The following ALK variants were observed in gnomAD, a reference collection of about 807,000 sequenced individuals.
ALK encodes the protein ALK receptor tyrosine kinase, also known as ALK tyrosine kinase receptor.
ALK carries 74 observed loss-of-function variants against 163.1 expected under a neutral mutation model. The ratio of observed to expected loss-of-function variants is 0.45; its 90% confidence interval spans 0.38 to 0.55. The LOEUF is 0.55. Ranked by LOEUF, ALK falls within the 20% of genes least tolerant of loss-of-function variation. The probability of loss-of-function intolerance (pLI) is 0.00; values close to 1 mark genes in which losing one functional copy is unlikely to be tolerated. For synonymous variants in ALK, 960 were observed against 843.2 expected (o/e 1.14, Z -2.40); for missense variants, 2,063 against 2,105.3 (o/e 0.98, Z 0.39).
At chr2:29,873,987 G>A (rs1445159231) in intron 1 of ALK, among the ~76,000 whole-genome samples, 1 of 152,008 alleles carries the variant, frequency 6.6e-6, no homozygotes, top group African/African-American at 2.4e-5. Flanking sequence ...ATTTAGCAGT[G>A]GAAGAAATAC....
intron 4 of ALK, among the ~76,000 whole-genome samples, chr2:29,393,602 C>T (rs1278591054): frequency 2.0e-5 from 3 of 152,210 alleles, no homozygotes; most frequent in African/African-American, 4.8e-5. Flanking sequence ...TTCATCAAAC[C>T]AAACAAAGAC....
intron 1 of ALK, 115 bp from the exon 2 acceptor site, chr2:29,717,812 G>C (rs904247895): frequency 1.4e-6 from 2 of 1,405,298 alleles, no homozygotes; most frequent in Non-Finnish European, 1.0e-6. Context: ...CATCCATCGG[G>C]AAGATGAGGG....
rs1666199355 is a variant in ALK, at chr2:29,296,900, T to A, written c.1805A>T (p.Asp602Val). 1 of 1,614,132 alleles carries A rather than the reference T, an allele frequency of 6.2e-7. No individual in the cohort carries two copies. ...LWQWMVLPLL[D>V]VSDRFWLQMV... ...GCATAGAGCCTACCTGTCAGACACATCGAGGAGAGGCAACACCATCCACTG... is the reference window on the plus strand; with the variant it reads ...GCATAGAGCCTACCTGTCAGACACAACGAGGAGAGGCAACACCATCCACTG... Residue 602 changes from aspartate to valine, a missense_variant, in exon 9 of 29, where the codon GAT becomes GTT. Transcript: ENST00000389048.
chr2:29,535,256 C>A (rs774565242), intron 3 of ALK, among the ~76,000 whole-genome samples: 15 of 152,276 alleles, frequency 9.9e-5, no homozygotes, highest in Middle Eastern at 3.4e-3. Context: ...GCTCATACAG[C>A]GCCACAACCA....
At chr2:29,672,675 C>A (rs1185660922) in intron 3 of ALK, among the ~76,000 whole-genome samples, 2 of 152,106 alleles carry the variant, frequency 1.3e-5, no homozygotes, top group Admixed American at 6.6e-5. Flanking sequence ...GATTTATAGT[C>A]CTTTGGGTAT....
intron 5 of ALK, among the ~76,000 whole-genome samples, chr2:29,358,256 T>C (rs1668299507): frequency 6.6e-6 from 1 of 152,248 alleles, no homozygotes; most frequent in African/African-American, 2.4e-5. Flanking sequence ...GGCAATGCTG[T>C]CCTCTTAAGA....
At chr2:29,824,485 C>A (rs1044500454) in intron 1 of ALK, among the ~76,000 whole-genome samples, 5 of 152,230 alleles carry the variant, frequency 3.3e-5, no homozygotes, top group Non-Finnish European at 5.9e-5. Context: ...GGGAGGGGGC[C>A]TGTACCCTGC....
chr2:29,512,560 T>C (rs1436613629), intron 4 of ALK, among the ~76,000 whole-genome samples: 1 of 146,686 alleles, frequency 6.8e-6, no homozygotes, highest in African/African-American at 2.5e-5. Context: ...GGGCAAAAAC[T>C]GGAAGCATTC....
intron 1 of ALK, among the ~76,000 whole-genome samples, chr2:29,860,143 C>G (rs1666243327): frequency 6.6e-6 from 1 of 152,122 alleles, no homozygotes; most frequent in African/African-American, 2.4e-5. Context: ...AAAATGTTCC[C>G]CTTGGAAGCT....
At chr2:29,691,083 G>T (rs569828267) in intron 3 of ALK, among the ~76,000 whole-genome samples, 1 of 152,310 alleles carries the variant, frequency 6.6e-6, no homozygotes, top group South Asian at 2.1e-4. Flanking sequence ...TGAAGGTCAA[G>T]GGAGTTTATT....
intron 3 of ALK, among the ~76,000 whole-genome samples, chr2:29,608,005 C>T (rs1355143315): frequency 2.0e-5 from 3 of 149,388 alleles, no homozygotes; most frequent in Non-Finnish European, 4.4e-5. Flanking sequence ...GGTATGTGTG[C>T]AAGTTTGTTA....
At chr2:29,332,179 T>A (rs941434600) in intron 5 of ALK, among the ~76,000 whole-genome samples, 5 of 150,004 alleles carry the variant, frequency 3.3e-5, no homozygotes, top group Non-Finnish European at 7.4e-5. Flanking sequence ...CCAGCTACTT[T>A]GGAGACTGAG....
At chr2:29,408,842 G>A (rs73923616) in intron 4 of ALK, among the ~76,000 whole-genome samples, 2,842 of 152,272 alleles carry the variant, frequency 0.019, 72 homozygotes, top group African/African-American at 0.064. Flanking sequence ...CAGCCTCAAG[G>A]TCACCAGGCT....
intron 3 of ALK, among the ~76,000 whole-genome samples, chr2:29,638,706 G>A (rs1676616622): frequency 6.6e-6 from 1 of 152,020 alleles, no homozygotes; most frequent in South Asian, 2.1e-4. Flanking sequence ...CAGTTTCTCT[G>A]TTCTAACACC....
chr2:29,605,969 A>G (rs1347066255), intron 3 of ALK, among the ~76,000 whole-genome samples: 1 of 54,230 alleles, frequency 1.8e-5, no homozygotes, highest in Non-Finnish European at 3.5e-5. Context: ...TTGGGTCCCA[A>G]AGAAAAAAAT....
chr2:29,702,776 C>T (rs1678783470), intron 2 of ALK, among the ~76,000 whole-genome samples: 1 of 152,214 alleles, frequency 6.6e-6, no homozygotes, highest in South Asian at 2.1e-4. Context: ...GGGGAACTGT[C>T]CTTTATAAAA....
chr2:29,693,882 C>A (rs1005138547), intron 3 of ALK, among the ~76,000 whole-genome samples: 1 of 152,176 alleles, frequency 6.6e-6, no homozygotes, highest in Admixed American at 6.5e-5. Context: ...GTCACTCCCC[C>A]GCTCTGAGCA....
chr2:29,483,765 GC>G (rs1671719316), intron 4 of ALK, among the ~76,000 whole-genome samples: 1 of 152,010 alleles, frequency 6.6e-6, no homozygotes, highest in African/African-American at 2.4e-5. Flanking sequence ...TAGATCTTAT[GC>G]TTATTGCTTT....
intron 3 of ALK, among the ~76,000 whole-genome samples, chr2:29,569,948 C>T (rs1674308765): frequency 6.6e-6 from 1 of 152,136 alleles, no homozygotes; most frequent in Admixed American, 6.5e-5. Context: ...GCTCAGAGCT[C>T]CAGAGGAAAG....
Sources: gnomAD v4.1 joint callset for allele counts (sites outside exome capture counted in the v4.1 genomes callset) on GRCh38, gnomAD v4.1.1 for gene constraint, MANE v1.5 for transcripts, NCBI Gene and HGNC (gene_info 2026-07-23, HGNC 2026-07-21) for gene names.